The following MAP2K6 variants were observed in gnomAD, a reference collection of about 807,000 sequenced individuals.
MAP2K6 encodes the protein dual specificity mitogen-activated protein kinase kinase 6.
MAP2K6 carries 16 observed loss-of-function variants against 53.7 expected under a neutral mutation model. The ratio of observed to expected loss-of-function variants is 0.30; its 90% CI spans 0.20 to 0.45. MAP2K6 has a LOEUF of 0.45. Ranked by LOEUF, MAP2K6 falls within the 20% of genes least tolerant of loss-of-function variation. The pLI is 1.00. For synonymous variants in MAP2K6, 132 were observed against 143.1 expected (o/e 0.92, Z 0.55); for missense variants, 204 against 411.9 (o/e 0.50, Z 4.37).
At chr17:69,541,383 A>G (rs1911623013) in intron 11 of MAP2K6, among the ~76,000 whole-genome samples, 2 of 152,196 alleles carry the variant, frequency 1.3e-5, no homozygotes, top group South Asian at 4.1e-4. Context: ...TTTTTTGTCA[A>G]TCTTTGTATT....
At chr17:69,541,042 T>A (rs935158431) in intron 11 of MAP2K6, among the ~76,000 whole-genome samples, 1 of 152,192 alleles carries the variant, frequency 6.6e-6, no homozygotes, top group Non-Finnish European at 1.5e-5. Flanking sequence ...GGCTGGCAGA[T>A]CACGAGGTCA....
chr17:69,423,451 G>A (rs1906162400), intron 1 of MAP2K6, among the ~76,000 whole-genome samples: 1 of 152,104 alleles, frequency 6.6e-6, no homozygotes, highest in South Asian at 2.1e-4. Flanking sequence ...TTGCTATCTG[G>A]TCCCTTGCAG....
At chr17:69,419,316 G>T (rs1223156283) in intron 1 of MAP2K6, among the ~76,000 whole-genome samples, 1 of 152,100 alleles carries the variant, frequency 6.6e-6, no homozygotes, top group Non-Finnish European at 1.5e-5. Context: ...GGGTCAAAGG[G>T]CATGTATAGA....
At chr17:69,422,517 G>C (rs940502592) in intron 1 of MAP2K6, among the ~76,000 whole-genome samples, 1 of 152,082 alleles carries the variant, frequency 6.6e-6, no homozygotes, top group African/African-American at 2.4e-5. Context: ...TTTACTTTCT[G>C]GTCTGTACAT....
intron 1 of MAP2K6, among the ~76,000 whole-genome samples, chr17:69,418,027 C>T (rs1057244051): frequency 8.5e-5 from 13 of 152,130 alleles, no homozygotes; most frequent in African/African-American, 2.9e-4. Context: ...TACTGGGGTT[C>T]TTTGCTTCTG....
intron 1 of MAP2K6, among the ~76,000 whole-genome samples, chr17:69,498,413 C>T (rs1262204235): frequency 6.6e-6 from 1 of 152,108 alleles, no homozygotes; most frequent in African/African-American, 2.4e-5. Flanking sequence ...CCTGAAGCCT[C>T]ACTCTATCAA....
chr17:69,447,052 A>G (rs972666468), intron 1 of MAP2K6, among the ~76,000 whole-genome samples: 2 of 147,920 alleles, frequency 1.4e-5, no homozygotes, highest in African/African-American at 2.5e-5. Flanking sequence ...ATCTCAGCAC[A>G]CTGCAACCTC....
chr17:69,512,924 A>G (rs1285936711), intron 2 of MAP2K6, among the ~76,000 whole-genome samples: 1 of 152,178 alleles, frequency 6.6e-6, no homozygotes, highest in Admixed American at 6.5e-5. Context: ...TATCATACTA[A>G]ACCGAAGCTG....
chr17:69,419,454 G>T (rs1055668006), intron 1 of MAP2K6, among the ~76,000 whole-genome samples: 4 of 152,158 alleles, frequency 2.6e-5, no homozygotes, highest in Non-Finnish European at 5.9e-5. Context: ...TCTTCAGGAA[G>T]ATGGTACCTT....
rs180772950 is a variant in MAP2K6 at position 69,477,759 on chromosome 17, C to T, written c.17-28021C>T. 7.6e-4 allele frequency among the ~76,000 whole-genome samples: 115 copies of T among 152,264 alleles called. 1 individual carries two copies. The highest frequency in any genetic ancestry group is 3.4e-3 in the Middle Eastern group (1 of 294). On this transcript the variant is annotated intron_variant, in intron 1 of 11. Transcript: ENST00000590474. ...CGTCTGCACAATGAGGATATCAACT[C>T]GTTATGCAACTGGGAGAGTTAGCAG...
chr17:69,449,645 C>T (rs1467536047), intron 1 of MAP2K6, among the ~76,000 whole-genome samples: 3 of 109,346 alleles, frequency 2.7e-5, no homozygotes, highest in Admixed American at 1.3e-4. Flanking sequence ...GACGGAGTCT[C>T]GCTGTCGCCC....
In MAP2K6 at chr17:69,435,473, G is replaced by T. The variant is rs1598260370; in HGVS notation, c.16+20473G>T. ...TTGCTTGAACCCGGAGGTGGAGGTGGTTTTGAGCCGAGATCGTGCCATTGC... is the reference window on the plus strand; with the variant it reads ...TTGCTTGAACCCGGAGGTGGAGGTGTTTTTGAGCCGAGATCGTGCCATTGC... On this transcript the variant is annotated intron_variant, in intron 1 of 11. Coordinates refer to ENST00000590474, the MANE Select transcript of MAP2K6 (RefSeq NM_002758.4). The T allele has an allele frequency of 2.0e-5, 3 of 150,086 alleles. No homozygotes were observed. The Middle Eastern group carries it at 0.01, about 518-fold the overall frequency. The allele number at this position is 150,086 out of a possible 1,614,324, so 9.3% of individuals were successfully genotyped here. A position where few individuals can be genotyped will look rare whatever the true frequency, so the allele number is the denominator to read the frequency against.
chr17:69,420,143 T>C (rs1383244194), intron 1 of MAP2K6, among the ~76,000 whole-genome samples: 6 of 152,168 alleles, frequency 3.9e-5, no homozygotes, highest in African/African-American at 1.4e-4. Flanking sequence ...TATCCAGACC[T>C]ATATGAAAAT....
chr17:69,462,572 T>C (rs1021075817), intron 1 of MAP2K6, among the ~76,000 whole-genome samples: 5 of 152,186 alleles, frequency 3.3e-5, no homozygotes. Flanking sequence ...GGTTTCTTTT[T>C]CAATATGTGT....
intron 1 of MAP2K6, among the ~76,000 whole-genome samples, chr17:69,445,951 G>T (rs1379509652): frequency 1.3e-5 from 2 of 152,072 alleles, no homozygotes; most frequent in Non-Finnish European, 2.9e-5. Context: ...TCAATCTTAG[G>T]TTTAGTTCCA....
Position 69,543,908 on chromosome 17 carries a change from C to T in MAP2K6, c.*2155C>T, listed in dbSNP as rs776098085. 5.9e-5 allele frequency: 9 copies of T among 152,180 alleles called. No homozygotes were observed. The highest frequency in any genetic ancestry group is 1.3e-4 in the Admixed American group (2 of 15,278). The allele number at this position is 152,180 out of a possible 1,614,324, so 9.4% of individuals were successfully genotyped here. Reference sequence around the variant, plus strand: ...AAGTTAGTCTATGGTTCTCAACCCTCGTGTACATTGGAACCATCTGGGAGC... The same window carrying T: ...AAGTTAGTCTATGGTTCTCAACCCTTGTGTACATTGGAACCATCTGGGAGC... On this transcript the variant is annotated 3_prime_UTR_variant, in exon 12 of 12. Coordinates refer to ENST00000590474, the MANE Select transcript of MAP2K6 (RefSeq NM_002758.4).
At chr17:69,521,666 C>G (rs1409728553) in intron 7 of MAP2K6, 1 of 152,018 alleles carries the variant, frequency 6.6e-6, no homozygotes, top group African/African-American at 2.4e-5. Flanking sequence ...CATTCATTTT[C>G]TATCCCCCCA....
chr17:69,448,956 T>C (rs73363596), intron 1 of MAP2K6, among the ~76,000 whole-genome samples: 8,207 of 152,304 alleles, frequency 0.054, 743 homozygotes, highest in African/African-American at 0.19. Context: ...TGATCAGCCA[T>C]GTGTGGCGTG....
chr17:69,429,786 T>G (rs1906398630), intron 1 of MAP2K6, among the ~76,000 whole-genome samples: 1 of 152,178 alleles, frequency 6.6e-6, no homozygotes, highest in Admixed American at 6.5e-5. Context: ...AGAGCTGATG[T>G]CCATCATCCA....
Sources: gnomAD v4.1 joint callset for allele counts (sites outside exome capture counted in the v4.1 genomes callset) on GRCh38, gnomAD v4.1.1 for gene constraint, MANE v1.5 for transcripts, NCBI Gene and HGNC (gene_info 2026-07-23, HGNC 2026-07-21) for gene names.